The following PREX1 variants were observed in gnomAD, a reference collection of about 807,000 sequenced individuals.
The protein encoded by PREX1 is phosphatidylinositol-3,4,5-trisphosphate dependent Rac exchange factor 1.
PREX1 carries 41 observed loss-of-function variants against 198.3 expected under a neutral mutation model. The observed-to-expected ratio is 0.21, with a 90% CI of 0.16 to 0.27. PREX1 has a LOEUF of 0.27. Ranked by LOEUF, PREX1 falls within the 10% of genes least tolerant of loss-of-function variation. The pLI, the probability that PREX1 is intolerant of heterozygous loss-of-function variation, is 1.00. For synonymous variants in PREX1, 843 were observed against 887.2 expected (o/e 0.95, Z 0.89); for missense variants, 1,620 against 2,200.7 (o/e 0.74, Z 5.28).
At chr20:48,695,465 A>G (rs1334387441) in intron 7 of PREX1, among the ~76,000 whole-genome samples, 4 of 152,378 alleles carry the variant, frequency 2.6e-5, no homozygotes, top group Middle Eastern at 3.4e-3. Flanking sequence ...GTGATAAGGA[A>G]TGTGAATGAT....
intron 10 of PREX1, among the ~76,000 whole-genome samples, chr20:48,685,106 G>C (rs551557988): frequency 5.9e-5 from 9 of 152,146 alleles, no homozygotes; most frequent in Non-Finnish European, 1.0e-4. Context: ...CTCCTCTTCT[G>C]TTGTCTGATT....
intron 1 of PREX1, among the ~76,000 whole-genome samples, chr20:48,777,980 G>A (rs542880145): frequency 2.1e-4 from 32 of 152,292 alleles, no homozygotes; most frequent in African/African-American, 7.5e-4. Flanking sequence ...AAGTGACTGA[G>A]TGAAGCTGGC....
intron 5 of PREX1, among the ~76,000 whole-genome samples, chr20:48,722,430 C>A (rs2089990361): frequency 6.6e-6 from 1 of 152,160 alleles, no homozygotes; most frequent in African/African-American, 2.4e-5. Flanking sequence ...AGAAAGTAGA[C>A]AAGTGGTCGG....
At chr20:48,790,718 G>C (rs1399334133) in intron 1 of PREX1, among the ~76,000 whole-genome samples, 1 of 152,132 alleles carries the variant, frequency 6.6e-6, no homozygotes. Context: ...AAGCCTGGCT[G>C]TTCCATCCAC....
the PREX1 span, among the ~76,000 whole-genome samples, chr20:48,839,233 A>T: frequency 6.6e-6 from 1 of 152,028 alleles, no homozygotes; most frequent in Admixed American, 6.6e-5. Context: ...GGGCCATTTG[A>T]CCGTCAACTG....
At chr20:48,867,450 C>T in the PREX1 span, among the ~76,000 whole-genome samples, 4 of 152,256 alleles carry the variant, frequency 2.6e-5, no homozygotes, top group Non-Finnish European at 5.9e-5. Flanking sequence ...ATTCCCTCTC[C>T]ACTGGCCACA....
At chr20:48,767,250 C>G (rs989681298) in intron 1 of PREX1, among the ~76,000 whole-genome samples, 10 of 152,226 alleles carry the variant, frequency 6.6e-5, no homozygotes, top group Admixed American at 1.3e-4. Flanking sequence ...ACCAGCCACA[C>G]CACAGACTAC....
chr20:48,791,484 T>C (rs1443077447), intron 1 of PREX1, among the ~76,000 whole-genome samples: 1 of 152,116 alleles, frequency 6.6e-6, no homozygotes, highest in African/African-American at 2.4e-5. Context: ...GACTACAGAA[T>C]AAGCACCCAA....
Position 48,692,845 on chromosome 20 carries a change from G to A in PREX1, c.918-55C>T, listed in dbSNP as rs546777436. 3.7e-5 allele frequency: 53 copies of A among 1,432,276 alleles called. No individual in the cohort carries two copies. In the African/African-American group the frequency reaches 4.1e-4, roughly 11 times the overall value. 88.7% of individuals were successfully genotyped at this position (1,432,276 alleles called of 1,614,324 possible). A position where few individuals can be genotyped will look rare whatever the true frequency, so the allele number is the denominator to read the frequency against. On this transcript the variant is annotated intron_variant, in intron 7 of 39. Coordinates refer to ENST00000371941, the MANE Select transcript of PREX1 (RefSeq NM_020820.4). ...TACACGTCACCTCCCAGATGCAACT[G>A]TTTTCAACAGCGCAAAGGGGAACAC...
At chr20:48,654,018 G>A (rs2089522767) in intron 19 of PREX1, among the ~76,000 whole-genome samples, 1 of 152,242 alleles carries the variant, frequency 6.6e-6, no homozygotes, top group African/African-American at 2.4e-5. Flanking sequence ...GCAAACAAAT[G>A]TCAAGCTTTG....
intron 10 of PREX1, among the ~76,000 whole-genome samples, chr20:48,681,826 T>A (rs531237682): frequency 6.6e-6 from 1 of 151,100 alleles, no homozygotes. Context: ...AGAGAGTGAG[T>A]AGATGGGTGG....
At position 48,691,064 on chromosome 20, in the gene PREX1, TGGTGAC is replaced by T; in HGVS notation, c.1063_1068del (p.Val355_Thr356del). 6.2e-7 allele frequency: 1 copy of T among 1,614,190 alleles called. No homozygotes were observed. The highest frequency in any genetic ancestry group is 8.5e-7 in the Non-Finnish European group (1 of 1,180,028). On this transcript the variant is annotated inframe_deletion, in exon 9 of 40. Transcript: ENST00000371941. This position sits in a 1 kb window ranked among gnomAD's most constrained non-coding sequence, Gnocchi z 5.0. ...GCCGTGTTGTGGATCTTCCAGCCGT[TGGTGAC>T]GGTATAGCCGTTGCTATGGTAATCC...
intron 33 of PREX1, among the ~76,000 whole-genome samples, chr20:48,632,989 G>A (rs990856880): frequency 2.0e-5 from 3 of 152,194 alleles, no homozygotes; most frequent in Non-Finnish European, 2.9e-5. Flanking sequence ...CTTCCCCAGC[G>A]CTCCTTGTAC....
At chr20:48,773,266 CAAAAAAAAAAA>C (rs55740822) in intron 1 of PREX1, among the ~76,000 whole-genome samples, 11 of 65,882 alleles carry the variant, frequency 1.7e-4, no homozygotes, top group Admixed American at 1.8e-4. Context: ...GACTTGGTCT[CAAAAAAAAAAA>C]AAAAAAAAAA....
chr20:48,859,647 G>A, the PREX1 span, among the ~76,000 whole-genome samples: 2 of 152,208 alleles, frequency 1.3e-5, no homozygotes, highest in African/African-American at 4.8e-5. Context: ...CAGAATGGCA[G>A]TTCCTCAAAA....
chr20:48,766,139 T>C (rs991352764), intron 1 of PREX1, among the ~76,000 whole-genome samples: 1 of 152,206 alleles, frequency 6.6e-6, no homozygotes, highest in African/African-American at 2.4e-5. Context: ...AGTTGCATAA[T>C]TATTTCATTA....
chr20:48,777,702 C>T (rs956807067), intron 1 of PREX1, among the ~76,000 whole-genome samples: 9 of 152,178 alleles, frequency 5.9e-5, no homozygotes, highest in African/African-American at 2.2e-4. Flanking sequence ...AGCTGTACCT[C>T]TCTGAGACTC....
intron 1 of PREX1, among the ~76,000 whole-genome samples, chr20:48,756,029 T>C (rs1361371769): frequency 1.3e-5 from 2 of 152,170 alleles, no homozygotes; most frequent in Non-Finnish European, 2.9e-5. Flanking sequence ...CTTGGATATG[T>C]GTATCCCTGT....
the PREX1 span, among the ~76,000 whole-genome samples, chr20:48,837,850 G>A: frequency 1.3e-5 from 2 of 149,558 alleles, no homozygotes; most frequent in African/African-American, 4.9e-5. Flanking sequence ...GAGAGACAGA[G>A]AGAAAGAAAT....
Sources: gnomAD v4.1 joint callset for allele counts (sites outside exome capture counted in the v4.1 genomes callset) on GRCh38, gnomAD v4.1.1 for gene constraint, Gnocchi (gnomAD v3.1) non-coding constraint, MANE v1.5 for transcripts, NCBI Gene and HGNC (gene_info 2026-07-23, HGNC 2026-07-21) for gene names.